The following CABP7 variants were observed in gnomAD, a reference collection of about 807,000 sequenced individuals.
CABP7 encodes calcium-binding protein 7.
A neutral mutation model predicts 23.1 loss-of-function variants in CABP7; 13 were observed. That is an observed-to-expected ratio of 0.56 (90% CI 0.37 to 0.90). The LOEUF (loss-of-function observed/expected upper bound fraction) is 0.90. Among genes scored for constraint, CABP7 ranks in the 40% least tolerant of loss-of-function variants. CABP7 has a pLI of 0.01. For synonymous variants in CABP7, 123 were observed against 115.3 expected, an observed-to-expected ratio of 1.07 and a Z score of -0.43; for missense variants, 248 against 295.6, an observed-to-expected ratio of 0.84 and a Z score of 1.18.
chr22:29,727,744 A>G lies in CABP7; in HGVS notation c.192A>G (p.Ser64=), dbSNP rs767847023. 1.9e-6 allele frequency: 3 copies of G among 1,613,458 alleles called. No individual in the cohort carries two copies. In the South Asian group the frequency reaches 3.3e-5, roughly 18 times the overall value. ...AGGAGCTGGGCACAGCCATGCGCTC[A>G]CTGGGTTACATGCCCAACGAGGTGG... The part of the protein sequence containing the change: ...SKQELGTAMR[S]LGYMPNEVEL... The change falls in exon 2 of 5, where the codon TCA becomes TCG. Residue 64 remains serine, a synonymous_variant. Transcript: ENST00000216144. The surrounding 1 kb of genome is among the most constrained non-coding windows in gnomAD (Gnocchi z 4.2).
rs780676290 is a variant in CABP7 at position 29,728,715 on chromosome 22, C to A, written c.339C>A (p.Gly113=). The part of the protein sequence containing the change: ...STSGIPEKFH[G]TDFDTVFWKC... The stretch of plus-strand genomic sequence containing the variant: ...CAGGGATCCCAGAGAAGTTCCATGG[C>A]ACCGACTTTGATACTGTCTTCTGGA... Residue 113 remains glycine, a synonymous_variant, in exon 3 of 5, where the codon GGC becomes GGA. Coordinates refer to ENST00000216144, the MANE Select transcript of CABP7 (RefSeq NM_182527.3). 8.7e-6 allele frequency: 14 copies of A among 1,613,300 alleles called. No individual in the cohort carries two copies. The East Asian group carries it at 2.7e-4, about 31-fold the overall frequency.
chr22:29,722,959 C>T (rs1015193524), intron 1 of CABP7, among the ~76,000 whole-genome samples: 13 of 152,236 alleles, frequency 8.5e-5, no homozygotes, highest in African/African-American at 2.2e-4. Context: ...AGCCAGGCGG[C>T]GCTGGGTTTG....
chr22:29,731,727 G>A lies in CABP7; in HGVS notation c.*2158G>A. 5.3e-6 allele frequency: 1 copy of A among 189,968 alleles called. No homozygotes were observed. Among genetic ancestry groups the A allele is most frequent in the South Asian group, 1.3e-4 (1 of 7,784 alleles). The allele number at this position is 189,968 out of a possible 1,614,324, so 11.8% of individuals were successfully genotyped here. A position where few individuals can be genotyped will look rare whatever the true frequency, so the allele number is the denominator to read the frequency against. On this transcript the variant is annotated 3_prime_UTR_variant, in exon 5 of 5. Transcript: ENST00000216144. ...TGAGGAAAGACATACTGTGTGATAG[G>A]GAGAAAAAGCAGCTTATAAAATAAT...
In CABP7 at chr22:29,727,044, A is replaced by G. The variant is rs1028095554; in HGVS notation, c.110-618A>G. Among the ~76,000 whole-genome samples, 1 of 152,048 alleles carries G rather than the reference A, an allele frequency of 6.6e-6. No individual in the cohort carries two copies. The highest frequency in any genetic ancestry group is 2.4e-5 in the African/African-American group (1 of 41,412). The stretch of plus-strand genomic sequence containing the variant: ...CAGGCCTCGGTCTTCTGCTCCGTAC[A>G]GTGTGGAGGGCGACCCCCCACCCAG... On this transcript the variant is annotated intron_variant, in intron 1 of 4. Coordinates refer to ENST00000216144, the MANE Select transcript of CABP7 (RefSeq NM_182527.3). The surrounding 1 kb of genome is among the most constrained non-coding windows in gnomAD (Gnocchi z 4.2).
Position 29,728,749 on chromosome 22 carries a change from C to A in CABP7, c.366+7C>A, listed in dbSNP as rs761953884. 48 of 1,592,400 alleles carry A rather than the reference C, an allele frequency of 3.0e-5. No homozygotes were observed. The highest frequency in any genetic ancestry group is 4.0e-5 in the Non-Finnish European group (46 of 1,160,688). On this transcript the variant is annotated splice_region_variant and intron_variant, in intron 3 of 4. Transcript: ENST00000216144. Reference sequence around the variant, plus strand: ...TGATACTGTCTTCTGGAAGGTATCCCCTGGCTAGTTGGGACCCAGGGCTGT... The same window carrying A: ...TGATACTGTCTTCTGGAAGGTATCCACTGGCTAGTTGGGACCCAGGGCTGT...
chr22:29,720,695 C>T lies in CABP7; in HGVS notation c.109+162C>T, dbSNP rs1253517395. 6.6e-6 allele frequency among the ~76,000 whole-genome samples: 1 copy of T among 151,672 alleles called. No homozygotes were observed. Among genetic ancestry groups the T allele is most frequent in the African/African-American group, 2.4e-5 (1 of 41,466 alleles). Reference sequence around the variant, plus strand: ...AGCTGTGCCCCGCGGCAAGACCTGTCCGCACCCCGGGGCGCCGCGGTGGGG... The same window carrying T: ...AGCTGTGCCCCGCGGCAAGACCTGTTCGCACCCCGGGGCGCCGCGGTGGGG... On this transcript the variant is annotated intron_variant, in intron 1 of 4. Transcript: ENST00000216144. The surrounding 1 kb of genome is among the most constrained non-coding windows in gnomAD (Gnocchi z 5.2).
At chr22:29,728,934 T>C in intron 3 of CABP7, 121 bp from the exon 4 acceptor site, 19 of 1,323,914 alleles carry the variant, frequency 1.4e-5, no homozygotes, top group Non-Finnish European at 2.0e-5. Flanking sequence ...TCTGGGGGAA[T>C]GGAGCAAGTG....
At chr22:29,724,567 A>G (rs1398783719) in intron 1 of CABP7, among the ~76,000 whole-genome samples, 1 of 152,216 alleles carries the variant, frequency 6.6e-6, no homozygotes, top group Non-Finnish European at 1.5e-5. Flanking sequence ...GGTCTCTGCC[A>G]CTTCAGGCTG....
chr22:29,729,520 G>A lies in CABP7; in HGVS notation c.599G>A (p.Ser200Asn), dbSNP rs1009794420. 6 of 1,612,534 alleles carry A rather than the reference G, an allele frequency of 3.7e-6. No individual in the cohort carries two copies. The highest frequency in any genetic ancestry group is 1.3e-5 in the African/African-American group (1 of 74,944). ...GCCTTCGCCATCGCCTTCATCATCA[G>A]TGTCATGCTCATTGCGGCCAACCAG... ...ICAFAIAFII[S>N]VMLIAANQVL... The change falls in exon 5 of 5, where the codon AGT becomes AAT. Residue 200 changes from serine to asparagine, a missense_variant. Coordinates refer to ENST00000216144, the MANE Select transcript of CABP7 (RefSeq NM_182527.3).
rs894625413 is a variant in CABP7 at position 29,720,921 on chromosome 22, G to C, written c.109+388G>C. On this transcript the variant is annotated intron_variant, in intron 1 of 4. Transcript: ENST00000216144. The surrounding 1 kb of genome is among the most constrained non-coding windows in gnomAD (Gnocchi z 5.2). The stretch of plus-strand genomic sequence containing the variant: ...CCCGCATCCTGATCCCCTCCGCGGC[G>C]CCCGCCCGCGGCTCTCTGCTCGCAT... Among the ~76,000 whole-genome samples, 2 of 151,720 alleles carry C rather than the reference G, an allele frequency of 1.3e-5. No individual in the cohort carries two copies. The highest frequency in any genetic ancestry group is 4.8e-5 in the African/African-American group (2 of 41,350).
At position 29,731,164 on chromosome 22, in the gene CABP7, G is replaced by T; in HGVS notation, c.*1595G>T. ...ATGGGGCGTAGCAGGAACCGGGCTTGGCTTCCTATTGTGACTGATGAGAAA... is the reference window on the plus strand; with the variant it reads ...ATGGGGCGTAGCAGGAACCGGGCTTTGCTTCCTATTGTGACTGATGAGAAA... On this transcript the variant is annotated 3_prime_UTR_variant, in exon 5 of 5. Coordinates refer to ENST00000216144, the MANE Select transcript of CABP7 (RefSeq NM_182527.3). 7.0e-7 allele frequency: 1 copy of T among 1,435,588 alleles called. No homozygotes were observed. The highest frequency in any genetic ancestry group is 1.6e-5 in the South Asian group (1 of 61,234). The allele number at this position is 1,435,588 out of a possible 1,614,324, so 88.9% of individuals were successfully genotyped here.
At chr22:29,723,265 A>G (rs1294806994) in intron 1 of CABP7, among the ~76,000 whole-genome samples, 1 of 152,014 alleles carries the variant, frequency 6.6e-6, no homozygotes. Flanking sequence ...GTCTCTGGGG[A>G]CCTGTGGCCC....
intron 4 of CABP7, 94 bp downstream of exon 4, chr22:29,729,302 G>A (rs1167534460): frequency 1.4e-5 from 22 of 1,572,822 alleles, no homozygotes; most frequent in Non-Finnish European, 1.9e-5. Flanking sequence ...GGGGCTGGGG[G>A]CCTCCTTGCC....
chr22:29,722,919 G>A (rs2147205565), intron 1 of CABP7, among the ~76,000 whole-genome samples: 1 of 152,372 alleles, frequency 6.6e-6, no homozygotes, highest in African/African-American at 2.4e-5. Flanking sequence ...CAGGGAGGTG[G>A]GAAGCACAGA....
intron 1 of CABP7, among the ~76,000 whole-genome samples, chr22:29,722,077 C>G (rs372120033): frequency 1.6e-3 from 239 of 152,246 alleles, no homozygotes; most frequent in African/African-American, 5.6e-3. Context: ...CTCATCCATC[C>G]CCTCCTCCTG....
rs1344362438 is a variant in CABP7, at chr22:29,731,216, G to A, written c.*1647G>A. 2 of 1,490,150 alleles carry A rather than the reference G, an allele frequency of 1.3e-6. No homozygotes were observed. Among genetic ancestry groups the A allele is most frequent in the African/African-American group, 1.5e-5 (1 of 67,498 alleles). The allele number at this position is 1,490,150 out of a possible 1,614,324, so 92.3% of individuals were successfully genotyped here. On this transcript the variant is annotated 3_prime_UTR_variant, in exon 5 of 5. Transcript: ENST00000216144. ...GTGACCACGTGGGGGTCAGTCGGGG[G>A]CAAGGGGCTCAGCCCCACTGGACTC... is the stretch of plus-strand genomic sequence containing the variant.
rs878980934 is a variant in CABP7, at chr22:29,720,289, C to A, written c.-136C>A. Reference sequence around the variant, plus strand: ...GGGCGCTAGGCCCCCGGAGGGGCGTCCCCAGCCTCGCCGCTGCCGCCGCCG... The same window carrying A: ...GGGCGCTAGGCCCCCGGAGGGGCGTACCCAGCCTCGCCGCTGCCGCCGCCG... On this transcript the variant is annotated 5_prime_UTR_variant, in exon 1 of 5. Coordinates refer to ENST00000216144, the MANE Select transcript of CABP7 (RefSeq NM_182527.3). This position sits in a 1 kb window ranked among gnomAD's most constrained non-coding sequence, Gnocchi z 5.2. 158 of 193,382 alleles carry A rather than the reference C, an allele frequency of 8.2e-4. 1 individual carries two copies. In the South Asian group the frequency reaches 0.021, roughly 25 times the overall value. The allele number at this position is 193,382 out of a possible 1,614,324, so 12.0% of individuals were successfully genotyped here. A position where few individuals can be genotyped will look rare whatever the true frequency, so the allele number is the denominator to read the frequency against.
chr22:29,722,788 C>A (rs1302244620), intron 1 of CABP7, among the ~76,000 whole-genome samples: 1 of 152,326 alleles, frequency 6.6e-6, no homozygotes. Flanking sequence ...ACGCCATTCG[C>A]GGAGGAGCCA....
In CABP7 at chr22:29,727,648, C is replaced by A. The variant is rs372485904; in HGVS notation, c.110-14C>A. 3 of 1,613,488 alleles carry A rather than the reference C, an allele frequency of 1.9e-6. No individual in the cohort carries two copies. Among genetic ancestry groups the A allele is most frequent in the Non-Finnish European group, 1.7e-6 (2 of 1,179,896 alleles). On this transcript the variant is annotated splice_polypyrimidine_tract_variant and intron_variant, in intron 1 of 4. Transcript: ENST00000216144. The surrounding 1 kb of genome is among the most constrained non-coding windows in gnomAD (Gnocchi z 4.2). Reference sequence around the variant, plus strand: ...ACCGGGGTGAAGTCCCAGCCTACTCCATTCTCTCCTCAGAGATCCGAGAGG... The same window carrying A: ...ACCGGGGTGAAGTCCCAGCCTACTCAATTCTCTCCTCAGAGATCCGAGAGG...
Sources: gnomAD v4.1 joint callset for allele counts (sites outside exome capture counted in the v4.1 genomes callset) on GRCh38, gnomAD v4.1.1 for gene constraint, Gnocchi (gnomAD v3.1) non-coding constraint, MANE v1.5 for transcripts, NCBI Gene and HGNC (gene_info 2026-07-23, HGNC 2026-07-21) for gene names.